The following LRRTM4 variants were observed in gnomAD, a reference collection of about 807,000 sequenced individuals.
LRRTM4 encodes the protein leucine-rich repeat transmembrane neuronal protein 4.
A neutral mutation model predicts 47.6 loss-of-function variants in LRRTM4; 25 were observed. The ratio of observed to expected loss-of-function variants is 0.53; its 90% confidence interval spans 0.38 to 0.73. The LOEUF (loss-of-function observed/expected upper bound fraction) is 0.73, where lower values mean the gene tolerates loss of function less well. LRRTM4 is among the 30% of genes least tolerant of loss of function. The probability of loss-of-function intolerance (pLI) is 0.00; values close to 1 mark genes in which losing one functional copy is unlikely to be tolerated. For synonymous variants in LRRTM4, 311 were observed against 269.5 expected, an observed-to-expected ratio of 1.15 and a Z score of -1.51; for missense variants, 638 against 713.4, an observed-to-expected ratio of 0.89 and a Z score of 1.20.
intron 3 of LRRTM4, among the ~76,000 whole-genome samples, chr2:77,071,084 AC>A (rs1680139836): frequency 6.6e-6 from 1 of 152,154 alleles, no homozygotes; most frequent in South Asian, 2.1e-4. Flanking sequence ...TGGGAATAGT[AC>A]ACGTAGGTAA....
intron 3 of LRRTM4, among the ~76,000 whole-genome samples, chr2:77,217,989 T>A (rs1448828790): frequency 6.6e-6 from 1 of 152,136 alleles, no homozygotes; most frequent in African/African-American, 2.4e-5. Flanking sequence ...TATTTTTTTT[T>A]ATTTTATTTT....
chr2:77,386,099 C>A (rs1047444338), intron 3 of LRRTM4, among the ~76,000 whole-genome samples: 1 of 151,866 alleles, frequency 6.6e-6, no homozygotes, highest in African/African-American at 2.4e-5. Context: ...CCAATTATTT[C>A]TTTAAAAAAT....
At chr2:76,870,319 A>T (rs1672587043) in intron 3 of LRRTM4, among the ~76,000 whole-genome samples, 1 of 152,142 alleles carries the variant, frequency 6.6e-6, no homozygotes, top group Non-Finnish European at 1.5e-5. Flanking sequence ...TGTATATAAT[A>T]AATACTACAA....
intron 3 of LRRTM4, among the ~76,000 whole-genome samples, chr2:77,407,651 T>TTA (rs1491057591): frequency 7.4e-6 from 1 of 135,630 alleles, no homozygotes; most frequent in Non-Finnish European, 1.5e-5. Flanking sequence ...TAATATATAT[T>TTA]ATATAATTAT....
At chr2:76,763,844 T>C (rs1253574539) in intron 3 of LRRTM4, among the ~76,000 whole-genome samples, 2 of 152,198 alleles carry the variant, frequency 1.3e-5, no homozygotes, top group South Asian at 2.1e-4. Flanking sequence ...CTGTACATTG[T>C]AGCATGTTTA....
At chr2:77,322,388 A>G (rs1489701747) in intron 3 of LRRTM4, among the ~76,000 whole-genome samples, 1 of 152,146 alleles carries the variant, frequency 6.6e-6, no homozygotes, top group African/African-American at 2.4e-5. Context: ...TCCTCTAACC[A>G]CTTTGAGGAT....
chr2:77,173,766 G>A (rs373678874), intron 3 of LRRTM4, among the ~76,000 whole-genome samples: 31 of 151,904 alleles, frequency 2.0e-4, no homozygotes, highest in East Asian at 1.4e-3. Context: ...CAGCCTCCAC[G>A]CCCCCACACA....
chr2:77,240,167 A>C (rs1675218135), intron 3 of LRRTM4, among the ~76,000 whole-genome samples: 1 of 151,940 alleles, frequency 6.6e-6, no homozygotes. Context: ...AAATGAAAAA[A>C]TACTCCTAAA....
chr2:76,787,779 A>G (rs1674758129), intron 3 of LRRTM4, among the ~76,000 whole-genome samples: 1 of 152,070 alleles, frequency 6.6e-6, no homozygotes, highest in Non-Finnish European at 1.5e-5. Flanking sequence ...TCTGACAGAT[A>G]GAGGTTCACT....
At chr2:76,946,251 A>C (rs968374307) in intron 3 of LRRTM4, among the ~76,000 whole-genome samples, 2 of 151,932 alleles carry the variant, frequency 1.3e-5, no homozygotes, top group Non-Finnish European at 2.9e-5. Flanking sequence ...CATTTTTATA[A>C]AACTTTTGCA....
chr2:77,210,802 A>T (rs545479027), intron 3 of LRRTM4, among the ~76,000 whole-genome samples: 42 of 152,204 alleles, frequency 2.8e-4, no homozygotes, highest in African/African-American at 8.7e-4. Flanking sequence ...TAATTTTAAA[A>T]ATCTTCTTCT....
intron 3 of LRRTM4, among the ~76,000 whole-genome samples, chr2:76,916,928 T>C (rs1674272647): frequency 6.6e-6 from 1 of 152,242 alleles, no homozygotes; most frequent in South Asian, 2.1e-4. Context: ...CAGTTTCATA[T>C]TTGAGTTTTC....
At chr2:77,191,412 A>T (rs1673666316) in intron 3 of LRRTM4, among the ~76,000 whole-genome samples, 1 of 152,014 alleles carries the variant, frequency 6.6e-6, no homozygotes, top group Non-Finnish European at 1.5e-5. Context: ...AAAAAATAAA[A>T]ATTCTTAATA....
intron 3 of LRRTM4, among the ~76,000 whole-genome samples, chr2:77,360,474 T>TACG (rs1196598253): frequency 6.9e-5 from 9 of 130,960 alleles, no homozygotes; most frequent in East Asian, 4.3e-4. Context: ...TACAATACGA[T>TACG]ATGATACGAT....
At chr2:77,395,795 A>T (rs2103823899) in intron 3 of LRRTM4, among the ~76,000 whole-genome samples, 1 of 152,092 alleles carries the variant, frequency 6.6e-6, no homozygotes, top group Middle Eastern at 3.4e-3. Context: ...GCCTTGTTTC[A>T]AATTATTTAA....
intron 3 of LRRTM4, among the ~76,000 whole-genome samples, chr2:76,805,991 C>T (rs917488548): frequency 6.6e-6 from 1 of 152,144 alleles, no homozygotes; most frequent in African/African-American, 2.4e-5. Flanking sequence ...GCTTACAGTT[C>T]CAGGGGTTGG....
chr2:76,808,511 G>A (rs867448553), intron 3 of LRRTM4, among the ~76,000 whole-genome samples: 4 of 151,090 alleles, frequency 2.6e-5, no homozygotes, highest in Non-Finnish European at 4.4e-5. Context: ...CAATCATGCC[G>A]AAAGAAACAC....
intron 3 of LRRTM4, among the ~76,000 whole-genome samples, chr2:76,990,793 T>C (rs1676977368): frequency 1.3e-5 from 2 of 151,772 alleles, no homozygotes; most frequent in Admixed American, 6.6e-5. Flanking sequence ...ACTTGACCAA[T>C]TGGACCTAAT....
chr2:77,324,300 T>G (rs946936915), intron 3 of LRRTM4, among the ~76,000 whole-genome samples: 12 of 152,128 alleles, frequency 7.9e-5, no homozygotes, highest in Non-Finnish European at 1.6e-4. Context: ...GGTTTTTACC[T>G]TCTTGGGACT....
Sources: allele counts gnomAD v4.1 joint callset (sites outside exome capture counted in the v4.1 genomes callset), GRCh38; gene constraint gnomAD v4.1.1; transcripts MANE v1.5; gene names NCBI Gene and HGNC (gene_info 2026-07-23, HGNC 2026-07-21).